Variants in BCL10 observed in about 807,000 individuals in gnomAD.
BCL10 encodes the protein BCL10 immune signaling adaptor, also known as B-cell lymphoma/leukemia 10.
Under a neutral mutation model 19.2 loss-of-function variants are expected in BCL10, and 5 were observed. The observed-to-expected ratio is 0.26, with a 90% CI of 0.14 to 0.55. BCL10 has a LOEUF of 0.55. Ranked by LOEUF, BCL10 falls within the 20% of genes least tolerant of loss-of-function variation. The pLI, the probability that BCL10 is intolerant of heterozygous loss-of-function variation, is 0.94. For synonymous variants in BCL10, 110 were observed against 98.8 expected (o/e 1.11, Z -0.67); for missense variants, 201 against 271.9 (o/e 0.74, Z 1.83).
rs765912911 is a variant in BCL10, at chr1:85,267,978, T to A, written c.351A>T (p.Leu117=). The A allele has an allele frequency of 6.5e-7, 1 of 1,536,322 alleles. No homozygotes were observed. Among genetic ancestry groups the A allele is most frequent in the African/African-American group, 1.4e-5 (1 of 72,132 alleles). The part of the protein sequence containing the change: ...RNIKLEHLKG[L]KCSSCEPFPD... ...GAAAAGGTTCACAACTGCTACATTT[T>A]AGTCCTACAATAAAATTATTCAGAT... Residue 117 remains leucine (L), a synonymous_variant, in exon 3 of 3, where the codon CTA becomes CTT. Coordinates refer to ENST00000648566, the MANE Select transcript of BCL10 (RefSeq NM_003921.5).
intron 1 of BCL10, among the ~76,000 whole-genome samples, chr1:85,273,890 A>T (rs962420165): frequency 3.3e-5 from 5 of 152,090 alleles, no homozygotes; most frequent in African/African-American, 9.7e-5. Flanking sequence ...CTTGGGGGGA[A>T]AAAAACCCCA....
rs193121594 is a variant in BCL10 at position 85,271,035 on chromosome 1, A to G, written c.58-129T>C. On this transcript the variant is annotated intron_variant, in intron 1 of 2. Transcript: ENST00000648566. Reference sequence around the variant, plus strand: ...AGTCAGGAGGCTCAGGCCTTCTAAAATGCATGCTAATTAAGATGAAAGTCC... The same window carrying G: ...AGTCAGGAGGCTCAGGCCTTCTAAAGTGCATGCTAATTAAGATGAAAGTCC... 3.5e-6 allele frequency: 3 copies of G among 854,218 alleles called. No homozygotes were observed. In the East Asian group the frequency reaches 7.5e-5, roughly 21 times the overall value. 52.9% of individuals were successfully genotyped at this position (854,218 alleles called of 1,614,324 possible). A position where few individuals can be genotyped will look rare whatever the true frequency, so the allele number is the denominator to read the frequency against.
At chr1:85,270,079 A>C (rs1660327562) in intron 2 of BCL10, among the ~76,000 whole-genome samples, 1 of 152,232 alleles carries the variant, frequency 6.6e-6, no homozygotes, top group South Asian at 2.1e-4. Flanking sequence ...CATTCTACTG[A>C]CTTTAGAAAC....
chr1:85,272,823 T>C (rs1347130201), intron 1 of BCL10, among the ~76,000 whole-genome samples: 1 of 152,140 alleles, frequency 6.6e-6, no homozygotes, highest in Admixed American at 6.5e-5. Context: ...GGGAATACTA[T>C]ATATGAAGGC....
intron 1 of BCL10, among the ~76,000 whole-genome samples, chr1:85,273,069 A>T (rs576289323): frequency 1.3e-5 from 2 of 152,240 alleles, no homozygotes; most frequent in Admixed American, 1.3e-4. Context: ...GTCAGTGGTC[A>T]TCTTCTTTGG....
chr1:85,272,517 T>C (rs533856917), intron 1 of BCL10, among the ~76,000 whole-genome samples: 26 of 152,062 alleles, frequency 1.7e-4, no homozygotes, highest in African/African-American at 4.3e-4. Context: ...GTTGGGATTA[T>C]AGGTGTGGGC....
chr1:85,276,423 G>T lies in BCL10; in HGVS notation c.-71C>A, dbSNP rs1384570934. ...CTGCGCCGCCCCGCCCTGGCTGGGG[G>T]CTTCGGCCTCCGGGTAATGGGGAAG... On this transcript the variant is annotated 5_prime_UTR_variant, in exon 1 of 3. Transcript: ENST00000648566. 1.2e-5 allele frequency: 19 copies of T among 1,545,952 alleles called. No homozygotes were observed. Among genetic ancestry groups the T allele is most frequent in the Non-Finnish European group, 1.5e-5 (17 of 1,120,412 alleles).
intron 1 of BCL10, among the ~76,000 whole-genome samples, chr1:85,275,734 C>T (rs1276009318): frequency 4.6e-5 from 7 of 152,192 alleles, no homozygotes; most frequent in Non-Finnish European, 8.8e-5. Context: ...TTTACCTGTA[C>T]ATTAATTCTC....
At position 85,276,366 on chromosome 1, in the gene BCL10, G is replaced by A; in HGVS notation, c.-14C>T. 1 of 1,613,212 alleles carries A rather than the reference G, an allele frequency of 6.2e-7. No individual in the cohort carries two copies. The highest frequency in any genetic ancestry group is 8.5e-7 in the Non-Finnish European group (1 of 1,179,374). On this transcript the variant is annotated 5_prime_UTR_variant, in exon 1 of 3. Transcript: ENST00000648566. ...GGTGGGCTCCATGGTGGAGGCGGGA[G>A]ATGGCGCTTCTTCCGGGTCCGGGAG... is the stretch of plus-strand genomic sequence containing the variant.
Position 85,276,405 on chromosome 1 carries a change from G to A in BCL10, c.-53C>T, listed in dbSNP as rs953202125. 34 of 1,592,632 alleles carry A rather than the reference G, an allele frequency of 2.1e-5. No homozygotes were observed. The African/African-American group carries it at 3.9e-4, about 18-fold the overall frequency. On this transcript the variant is annotated 5_prime_UTR_variant, in exon 1 of 3. Coordinates refer to ENST00000648566, the MANE Select transcript of BCL10 (RefSeq NM_003921.5). ...CGGGTCCGGGAGCTCGGGCTGCGCC[G>A]CCCCGCCCTGGCTGGGGGCTTCGGC...
chr1:85,275,121 G>A (rs1483175794), intron 1 of BCL10, among the ~76,000 whole-genome samples: 2 of 152,228 alleles, frequency 1.3e-5, no homozygotes, highest in African/African-American at 4.8e-5. Flanking sequence ...TGGAACATAG[G>A]AGGCCTAGCT....
intron 1 of BCL10, among the ~76,000 whole-genome samples, chr1:85,272,687 T>A (rs758043512): frequency 6.9e-4 from 105 of 152,262 alleles, no homozygotes; most frequent in Admixed American, 2.9e-3. Flanking sequence ...TCAGTGCAAA[T>A]CTTGAATCTA....
At position 85,276,362 on chromosome 1, in the gene BCL10, G is replaced by A. The variant is rs1330779116; in HGVS notation, c.-10C>T. On this transcript the variant is annotated 5_prime_UTR_variant, in exon 1 of 3. Coordinates refer to ENST00000648566, the MANE Select transcript of BCL10 (RefSeq NM_003921.5). ...GTGCGGTGGGCTCCATGGTGGAGGC[G>A]GGAGATGGCGCTTCTTCCGGGTCCG... The A allele has an allele frequency of 5.0e-6, 8 of 1,613,130 alleles. No individual in the cohort carries two copies. In the African/African-American group the frequency reaches 8.0e-5, roughly 16 times the overall value.
At position 85,267,574 on chromosome 1, in the gene BCL10, A is replaced by G; in HGVS notation, c.*53T>C. On this transcript the variant is annotated 3_prime_UTR_variant, in exon 3 of 3. Transcript: ENST00000648566. Reference sequence around the variant, plus strand: ...GATTACAGCCATTTTATAAAAAGTCATATTCTTTAAAACATTTTTTGTCAT... The same window carrying G: ...GATTACAGCCATTTTATAAAAAGTCGTATTCTTTAAAACATTTTTTGTCAT... 7.1e-7 allele frequency: 1 copy of G among 1,414,790 alleles called. No individual in the cohort carries two copies. Among genetic ancestry groups the G allele is most frequent in the Non-Finnish European group, 9.6e-7 (1 of 1,044,248 alleles). The allele number at this position is 1,414,790 out of a possible 1,614,324, so 87.6% of individuals were successfully genotyped here. A position where few individuals can be genotyped will look rare whatever the true frequency, so the allele number is the denominator to read the frequency against.
In BCL10 at chr1:85,270,791, C is replaced by T. The variant is rs2100747931; in HGVS notation, c.173G>A (p.Arg58Gln). ...SREDTEEISC[R>Q]TSSRKRAGKL... ...TCCAGCCCTTTTTCTACTTGATGTT[C>T]GACAAGAAATTTCTTCAGTGTCTTC... Residue 58 changes from arginine to glutamine, a missense_variant, in exon 2 of 3, where the codon CGA becomes CAA. Around this residue, in one of 3 missense-constraint regions of BCL10, gnomAD observed 51 missense variants for 118.8 expected, o/e 0.43. Coordinates refer to ENST00000648566, the MANE Select transcript of BCL10 (RefSeq NM_003921.5). 9 of 1,613,900 alleles carry T rather than the reference C, an allele frequency of 5.6e-6. No individual in the cohort carries two copies. The highest frequency in any genetic ancestry group is 1.7e-5 in the Admixed American group (1 of 59,974).
At position 85,266,067 on chromosome 1, in the gene BCL10, C is replaced by A. The variant is rs900848234; in HGVS notation, c.*1560G>T. ...GTGCTTATACTAAAAAAAATCCAAT[C>A]TTTAAAAATTTTTAAAGCTAATATG... On this transcript the variant is annotated 3_prime_UTR_variant, in exon 3 of 3. Transcript: ENST00000648566. 8.5e-5 allele frequency among the ~76,000 whole-genome samples: 13 copies of A among 152,118 alleles called. No homozygotes were observed. Among genetic ancestry groups the A allele is most frequent in the African/African-American group, 2.9e-4 (12 of 41,420 alleles).
intron 2 of BCL10, among the ~76,000 whole-genome samples, chr1:85,269,904 C>G (rs1214436772): frequency 6.6e-6 from 1 of 152,190 alleles, no homozygotes; most frequent in Non-Finnish European, 1.5e-5. Flanking sequence ...ATATTTTATG[C>G]AACGTGATTC....
Position 85,270,780 on chromosome 1 carries a change from T to C in BCL10, c.184A>G (p.Arg62Gly). ...TEEISCRTSS[R>G]KRAGKLLDYL... ...TCTAACAATTTTCCAGCCCTTTTTC[T>C]ACTTGATGTTCGACAAGAAATTTCT... is the stretch of plus-strand genomic sequence containing the variant. The change falls in exon 2 of 3, where the codon AGA (arginine) becomes GGA (glycine). Residue 62 changes from arginine (R) to glycine (G), a missense_variant. Arg to Gly is a moderately radical substitution (Grantham distance 125). This residue lies in a region of BCL10 where 51 missense variants were observed against 118.8 expected (regional missense o/e 0.43). Coordinates refer to ENST00000648566, the MANE Select transcript of BCL10 (RefSeq NM_003921.5). 3 of 1,614,172 alleles carry C rather than the reference T, an allele frequency of 1.9e-6. No homozygotes were observed. Among genetic ancestry groups the C allele is most frequent in the Non-Finnish European group, 2.5e-6 (3 of 1,180,038 alleles).
Position 85,270,836 on chromosome 1 carries a change from G to T in BCL10, c.128C>A (p.Ala43Glu), listed in dbSNP as rs199860465. The part of the protein sequence containing the change: ...IAERHFDHLR[A>E]KKILSREDTE... ...GTCTTCTCTACTGAGTATTTTTTTT[G>T]CACGTAGATGATCAAAATGTCTCTC... is the stretch of plus-strand genomic sequence containing the variant. Residue 43 changes from alanine to glutamate, a missense_variant, in exon 2 of 3, where the codon GCA (alanine) becomes GAA (glutamate). By Grantham distance (107) the Ala-to-Glu change is moderately radical (BLOSUM62 -1). Coordinates refer to ENST00000648566, the MANE Select transcript of BCL10 (RefSeq NM_003921.5). The T allele has an allele frequency of 6.2e-7, 1 of 1,612,276 alleles. No homozygotes were observed. The highest frequency in any genetic ancestry group is 8.5e-7 in the Non-Finnish European group (1 of 1,179,584).
Sources: gnomAD v4.1 joint callset for allele counts (sites outside exome capture counted in the v4.1 genomes callset) on GRCh38, gnomAD v4.1.1 for gene constraint, gnomAD v4.1.1 regional missense constraint, MANE v1.5 for transcripts, NCBI Gene and HGNC (gene_info 2026-07-23, HGNC 2026-07-21) for gene names.